The following IFT74 variants were observed in gnomAD, a reference collection of about 807,000 sequenced individuals.
IFT74 encodes the protein intraflagellar transport protein 74 homolog.
In IFT74, 92 loss-of-function variants were observed where a neutral mutation model predicts 96.7. The observed-to-expected ratio is 0.95, with a 90% confidence interval of 0.80 to 1.13. The LOEUF (loss-of-function observed/expected upper bound fraction) is 1.13, where lower values mean the gene tolerates loss of function less well. IFT74 is among the 50% of genes most tolerant of loss of function. IFT74 has a pLI of 0.00. For missense variants in IFT74, 811 were observed against 698.2 expected (o/e 1.16, Z -1.82); for synonymous variants, 223 against 213.2 (o/e 1.05, Z -0.40).
intron 2 of IFT74, among the ~76,000 whole-genome samples, chr9:26,970,633 A>G (rs1352496643): frequency 1.3e-5 from 2 of 152,250 alleles, no homozygotes; most frequent in East Asian, 3.8e-4. Context: ...GAAATTATTC[A>G]GAACATTTAC....
At chr9:27,018,626 T>G (rs750451381) in intron 11 of IFT74, 21 bp from the exon 12 acceptor site, 8 of 1,415,858 alleles carry the variant, frequency 5.7e-6, no homozygotes, top group Admixed American at 5.6e-5. Context: ...TAAATACTAC[T>G]TTCTTTTTAT....
Position 27,012,044 on chromosome 9 carries a change from C to T in IFT74, c.789+76C>T. The T allele has an allele frequency of 3.6e-6, 3 of 835,606 alleles. 1 individual carries two copies. In the South Asian group the frequency reaches 5.6e-5, roughly 16 times the overall value. The allele number at this position is 835,606 out of a possible 1,614,324, so 51.8% of individuals were successfully genotyped here. ...AATTCAGCCAAGTATATTAATATAACTAATTCAACTACATATTGATCTGGC... is the reference window on the plus strand; with the variant it reads ...AATTCAGCCAAGTATATTAATATAATTAATTCAACTACATATTGATCTGGC... On this transcript the variant is annotated intron_variant, in intron 10 of 19. Transcript: ENST00000380062.
chr9:26,959,284 AT>A (rs1158139133), intron 1 of IFT74, among the ~76,000 whole-genome samples: 2 of 151,752 alleles, frequency 1.3e-5, no homozygotes, highest in African/African-American at 4.8e-5. Context: ...AATTTTTTGT[AT>A]TTTTTAGTAG....
intron 12 of IFT74, among the ~76,000 whole-genome samples, chr9:27,025,907 A>G (rs1274774182): frequency 2.6e-5 from 4 of 152,236 alleles, no homozygotes; most frequent in Non-Finnish European, 5.9e-5. Context: ...CACAGGGCCT[A>G]TAAAACAACA....
chr9:27,054,377 A>G (rs1214549420), intron 16 of IFT74, among the ~76,000 whole-genome samples: 6 of 152,116 alleles, frequency 3.9e-5, no homozygotes, highest in Non-Finnish European at 8.8e-5. Flanking sequence ...TCCCTGCTAC[A>G]TGCTTTTATG....
intron 11 of IFT74, 88 bp from the exon 12 acceptor site, chr9:27,018,559 C>T (rs1829459013): frequency 6.2e-6 from 4 of 644,598 alleles, no homozygotes; most frequent in South Asian, 5.3e-5. Flanking sequence ...CACTTTAGTA[C>T]AATTGTACTC....
chr9:26,958,001 C>T (rs943328101), intron 1 of IFT74, among the ~76,000 whole-genome samples: 5 of 152,156 alleles, frequency 3.3e-5, no homozygotes, highest in African/African-American at 1.2e-4. Context: ...GATCCACCCG[C>T]CTCGGCCTCC....
At chr9:27,019,620 A>G (rs1232764272) in intron 12 of IFT74, among the ~76,000 whole-genome samples, 2 of 151,208 alleles carry the variant, frequency 1.3e-5, no homozygotes, top group Admixed American at 1.3e-4. Context: ...TATTTTATTA[A>G]TTTTTATTTC....
At position 27,040,544 on chromosome 9, in the gene IFT74, C is replaced by CAAAAAAAAAAAAAA. The variant is rs751893169; in HGVS notation, c.1055-4188_1055-4175dup. 1.3e-3 allele frequency among the ~76,000 whole-genome samples: 79 copies of CAAAAAAAAAAAAAA among 62,084 alleles called. 1 individual carries two copies. The highest frequency in any genetic ancestry group is 4.4e-3 in the African/African-American group (79 of 17,772). The allele number at this position is 62,084 out of a possible 152,430, so 40.7% of individuals were successfully genotyped here. Reference sequence around the variant, plus strand: ...TGGGCAACAGAACGAGACACTGTCTCAAAAAAAAAAAAAAAAAAAAAAAGA... The same window carrying CAAAAAAAAAAAAAA: ...TGGGCAACAGAACGAGACACTGTCTCAAAAAAAAAAAAAAAAAAAAAAAAAAAAAAAAAAAAAGA... On this transcript the variant is annotated intron_variant, in intron 13 of 19. Transcript: ENST00000380062.
At chr9:27,012,735 T>TTA (rs1432648656) in intron 10 of IFT74, among the ~76,000 whole-genome samples, 21 of 118,168 alleles carry the variant, frequency 1.8e-4, no homozygotes, top group African/African-American at 6.7e-4. Flanking sequence ...TTTTTTTTTT[T>TTA]AGACAGAGTA....
chr9:27,010,978 T>C (rs1018937660), intron 9 of IFT74, among the ~76,000 whole-genome samples: 11 of 152,228 alleles, frequency 7.2e-5, no homozygotes, highest in African/African-American at 2.4e-4. Context: ...TTCTTAGACA[T>C]TCCTTTGCTG....
At chr9:26,961,892 T>C (rs1587236735) in intron 1 of IFT74, 57 bp from the exon 2 acceptor site, 1 of 1,579,748 alleles carries the variant, frequency 6.3e-7, no homozygotes, top group East Asian at 2.2e-5. Flanking sequence ...TGATGGGTCA[T>C]TATTGTCTTG....
At position 26,948,409 on chromosome 9, in the gene IFT74, G is replaced by C. The variant is rs956271779; in HGVS notation, c.-20+1263G>C. Among the ~76,000 whole-genome samples, 6 of 88,780 alleles carry C rather than the reference G, an allele frequency of 6.8e-5. 1 individual carries two copies. Among genetic ancestry groups the C allele is most frequent in the Admixed American group, 4.7e-4 (4 of 8,544 alleles). The allele number at this position is 88,780 out of a possible 152,430, so 58.2% of individuals were successfully genotyped here. A position where few individuals can be genotyped will look rare whatever the true frequency, so the allele number is the denominator to read the frequency against. On this transcript the variant is annotated intron_variant, in intron 1 of 19. Transcript: ENST00000433700. ...ATCTTTCTGAAATATACACTTAATT[G>C]TTTTTTCTCTGTTTGACAACCTGTG...
intron 13 of IFT74, among the ~76,000 whole-genome samples, chr9:27,038,541 T>TGCTGGGA (rs1215761117): frequency 6.6e-6 from 1 of 152,174 alleles, no homozygotes; most frequent in Non-Finnish European, 1.5e-5. Flanking sequence ...CCTCCCAAAG[T>TGCTGGGA]GCTGGGATTA....
rs1681258569 is a variant in IFT74, at chr9:27,044,631, C to T, written c.1055-111C>T. 1.1e-5 allele frequency: 7 copies of T among 621,682 alleles called. No homozygotes were observed. The East Asian group carries it at 1.4e-4, about 13-fold the overall frequency. 38.5% of individuals were successfully genotyped at this position (621,682 alleles called of 1,614,324 possible). Reference sequence around the variant, plus strand: ...TAAAAGAATTTCACCTAATCGAACACGTCGAATAGTCAATGACTAATGGCA... The same window carrying T: ...TAAAAGAATTTCACCTAATCGAACATGTCGAATAGTCAATGACTAATGGCA... On this transcript the variant is annotated intron_variant, in intron 13 of 19. Coordinates refer to ENST00000380062, the MANE Select transcript of IFT74 (RefSeq NM_025103.4).
chr9:27,050,794 T>C (rs1819887538), intron 16 of IFT74, among the ~76,000 whole-genome samples: 1 of 150,530 alleles, frequency 6.6e-6, no homozygotes, highest in South Asian at 2.1e-4. Flanking sequence ...AAATGACGAG[T>C]TAATGGGTGC....
At chr9:26,951,521 A>C (rs112770271), upstream of IFT74, among the ~76,000 whole-genome samples, 1,284 of 152,336 alleles carry the variant, frequency 8.4e-3, 19 homozygotes, top group African/African-American at 0.03. Flanking sequence ...TACAGATCTT[A>C]GAAAATTGAG....
intron 16 of IFT74, among the ~76,000 whole-genome samples, chr9:27,053,593 G>C (rs1032875460): frequency 6.6e-6 from 1 of 152,140 alleles, no homozygotes; most frequent in African/African-American, 2.4e-5. Flanking sequence ...ATATCAGAAG[G>C]AACTAGACTG....
At chr9:26,962,148 A>G (rs528207230) in intron 2 of IFT74, 61 bp downstream of exon 2, 72 of 1,554,900 alleles carry the variant, frequency 4.6e-5, no homozygotes, top group Admixed American at 1.7e-4. Flanking sequence ...ACTTGAGTCC[A>G]GGAGACTGGG....
Sources: allele counts gnomAD v4.1 joint callset (sites outside exome capture counted in the v4.1 genomes callset), GRCh38; gene constraint gnomAD v4.1.1; transcripts MANE v1.5; gene names NCBI Gene and HGNC (gene_info 2026-07-23, HGNC 2026-07-21).